Variants in EMB observed in about 807,000 individuals in gnomAD.
EMB encodes the protein embigin homolog.
EMB carries 31 observed loss-of-function variants against 41.4 expected under a neutral mutation model. The ratio of observed to expected loss-of-function variants is 0.75; its 90% confidence interval spans 0.56 to 1.01. The LOEUF is 1.01. EMB is among the 50% of genes least tolerant of loss of function. The probability of loss-of-function intolerance (pLI) is 0.00; values close to 1 mark genes in which losing one functional copy is unlikely to be tolerated. For missense variants in EMB, 379 were observed against 388.3 expected (o/e 0.98, Z 0.20); for synonymous variants, 137 against 140.4 (o/e 0.98, Z 0.17).
intron 6 of EMB, among the ~76,000 whole-genome samples, chr5:50,402,556 T>C (rs556031370): frequency 6.6e-6 from 1 of 152,032 alleles, no homozygotes; most frequent in Admixed American, 6.6e-5. Context: ...ACATGACTGC[T>C]TAGTTTGTCA....
rs967888000 is a variant in EMB at position 50,441,180 on chromosome 5, T to C, written c.-29A>G. On this transcript the variant is annotated 5_prime_UTR_variant, in exon 1 of 9. Coordinates refer to ENST00000303221, the MANE Select transcript of EMB (RefSeq NM_198449.3). ...GCCAGAGGGTCCGCCTGGGTCCTCG[T>C]GGAGACTGCTCCCTCAGCTCGCCGC... is the stretch of plus-strand genomic sequence containing the variant. 1.1e-5 allele frequency: 15 copies of C among 1,341,330 alleles called. No individual in the cohort carries two copies. The Admixed American group carries it at 3.6e-4, about 32-fold the overall frequency. 83.1% of individuals were successfully genotyped at this position (1,341,330 alleles called of 1,614,324 possible). A position where few individuals can be genotyped will look rare whatever the true frequency, so the allele number is the denominator to read the frequency against.
At position 50,441,283 on chromosome 5, in the gene EMB, G is replaced by A. The variant is rs1433323202; in HGVS notation, c.-132C>T. 1 of 475,248 alleles carries A rather than the reference G, an allele frequency of 2.1e-6. No homozygotes were observed. The highest frequency in any genetic ancestry group is 3.4e-6 in the Non-Finnish European group (1 of 293,930). 29.4% of individuals were successfully genotyped at this position (475,248 alleles called of 1,614,324 possible). On this transcript the variant is annotated 5_prime_UTR_variant, in exon 1 of 9. Transcript: ENST00000303221. ...CCAGTGCCGCGGGTAGGACGCTGAA[G>A]AAAAGGCGGAATGGGAGGGGCCCGG...
intron 4 of EMB, among the ~76,000 whole-genome samples, chr5:50,409,439 C>T (rs1745299097): frequency 6.6e-6 from 1 of 151,968 alleles, no homozygotes; most frequent in South Asian, 2.1e-4. Context: ...CTTTAAGTCA[C>T]AAGATTCTGT....
rs1296188581 is a variant in EMB, at chr5:50,428,148, C to A, written c.192G>T (p.Leu64=). ...NFSLESHNIS[L]TEHSSMPVEK... is the part of the protein sequence containing the mutation. ...TTTGAAACATGATACATTTACCAGT[C>A]AGTGATATGTTATGACTCTCCAAGG... Residue 64 remains leucine, a synonymous_variant, in exon 2 of 9, where the codon CTG becomes CTT. Transcript: ENST00000303221. The A allele has an allele frequency of 3.1e-6, 5 of 1,595,822 alleles. No homozygotes were observed. Among genetic ancestry groups the A allele is most frequent in the South Asian group, 1.1e-5 (1 of 88,934 alleles).
chr5:50,411,490 G>A (rs1745337659), intron 2 of EMB, 107 bp from the exon 3 acceptor site: 3 of 729,192 alleles, frequency 4.1e-6, no homozygotes, highest in East Asian at 3.0e-5. Context: ...ATTTCTTAAT[G>A]TAACATTCAT....
chr5:50,405,264 C>T (rs551773818), intron 5 of EMB, among the ~76,000 whole-genome samples: 8 of 151,870 alleles, frequency 5.3e-5, no homozygotes, highest in Admixed American at 4.6e-4. Flanking sequence ...GATTAAGTTA[C>T]AAAGTTTTCA....
intron 1 of EMB, 71 bp from the exon 2 acceptor site, chr5:50,428,298 A>G: frequency 7.4e-7 from 1 of 1,359,344 alleles, no homozygotes; most frequent in Non-Finnish European, 1.0e-6. Flanking sequence ...CTACTTTGAA[A>G]CAGCTAAAAC....
intron 1 of EMB, among the ~76,000 whole-genome samples, chr5:50,432,546 T>C (rs1355205070): frequency 6.6e-6 from 1 of 151,618 alleles, no homozygotes; most frequent in Non-Finnish European, 1.5e-5. Flanking sequence ...AGCCATGATA[T>C]GGTTAAAACT....
chr5:50,403,394 T>C lies in EMB; in HGVS notation c.661A>G (p.Lys221Glu). ...VINGTYANET[K>E]LKITQLLEED... ...TCCAAAAGTTGTGTTATCTTCAGCT[T>C]TGTTTCGTTAGCATATGTTCCATTG... The change falls in exon 6 of 9, where the codon AAG becomes GAG. Residue 221 changes from lysine (K) to glutamate (E), a missense_variant. Lys to Glu is a moderately conservative substitution (Grantham distance 56). Coordinates refer to ENST00000303221, the MANE Select transcript of EMB (RefSeq NM_198449.3). 6.2e-7 allele frequency: 1 copy of C among 1,612,686 alleles called. No individual in the cohort carries two copies. Among genetic ancestry groups the C allele is most frequent in the Non-Finnish European group, 8.5e-7 (1 of 1,179,136 alleles).
At chr5:50,422,584 T>C (rs1745542468) in intron 2 of EMB, among the ~76,000 whole-genome samples, 1 of 152,134 alleles carries the variant, frequency 6.6e-6, no homozygotes, top group East Asian at 1.9e-4. Flanking sequence ...ACCATAAAAT[T>C]AGTTCCTTCT....
intron 7 of EMB, among the ~76,000 whole-genome samples, chr5:50,400,798 T>C: frequency 6.6e-6 from 1 of 152,032 alleles, no homozygotes; most frequent in East Asian, 1.9e-4. Context: ...AAATAATTCA[T>C]CTTTTACACT....
At chr5:50,406,973 A>C (rs755011323) in intron 4 of EMB, among the ~76,000 whole-genome samples, 2 of 151,950 alleles carry the variant, frequency 1.3e-5, no homozygotes, top group Admixed American at 1.3e-4. Context: ...CCATCTGAAG[A>C]GGCACAAGAT....
chr5:50,396,512 A>AC lies in EMB; in HGVS notation c.*2760dup, dbSNP rs896227242. 1 of 152,114 alleles carries AC rather than the reference A, an allele frequency of 6.6e-6. No individual in the cohort carries two copies. The highest frequency in any genetic ancestry group is 2.4e-5 in the African/African-American group (1 of 41,430). 9.4% of individuals were successfully genotyped at this position (152,114 alleles called of 1,614,324 possible). On this transcript the variant is annotated 3_prime_UTR_variant, in exon 9 of 9. Transcript: ENST00000303221. ...TACCAGGTATGGGGGCTTCTCTAAG[A>AC]CACAAGATCAGATTAAAGTCTTGAA...
rs1181177187 is a variant in EMB, at chr5:50,441,052, C to G, written c.100G>C (p.Gly34Arg). The G allele has an allele frequency of 6.6e-6, 10 of 1,509,154 alleles. No homozygotes were observed. The highest frequency in any genetic ancestry group is 4.4e-6 in the Non-Finnish European group (5 of 1,129,228). The allele number at this position is 1,509,154 out of a possible 1,614,324, so 93.5% of individuals were successfully genotyped here. A position where few individuals can be genotyped will look rare whatever the true frequency, so the allele number is the denominator to read the frequency against. ...GTACCCATCACACCTGGGGCACTGCCGTCCGCCGAGCTTGGGCGCGCGGCA... is the reference window on the plus strand; with the variant it reads ...GTACCCATCACACCTGGGGCACTGCGGTCCGCCGAGCTTGGGCGCGCGGCA... ...LAAARPSSAD[G>R]SAPDSPFTSP... The change falls in exon 1 of 9, where the codon GGC (glycine) becomes CGC (arginine). Residue 34 changes from glycine (G) to arginine (R), a missense_variant. Physicochemically the swap from Gly to Arg is moderately radical, Grantham distance 125. Coordinates refer to ENST00000303221, the MANE Select transcript of EMB (RefSeq NM_198449.3).
chr5:50,404,986 T>G (rs894714209), intron 5 of EMB, among the ~76,000 whole-genome samples: 3 of 151,952 alleles, frequency 2.0e-5, no homozygotes, highest in African/African-American at 7.2e-5. Context: ...TAGCTTGCCT[T>G]TAACGGGACT....
upstream of EMB, chr5:50,443,128 T>C (rs575031057): frequency 6.6e-6 from 1 of 152,326 alleles, no homozygotes; most frequent in East Asian, 1.9e-4. Context: ...AAATGCTCCA[T>C]ATCCTTTAAA....
intron 1 of EMB, among the ~76,000 whole-genome samples, chr5:50,432,325 T>G (rs1745732947): frequency 1.3e-5 from 2 of 151,954 alleles, no homozygotes; most frequent in Admixed American, 6.6e-5. Context: ...CTTTCTCATC[T>G]CTATACTGAT....
rs190262929 is a variant in EMB, at chr5:50,416,089, T to C, written c.197-4706A>G. Among the ~76,000 whole-genome samples, 271 of 152,302 alleles carry C rather than the reference T, an allele frequency of 1.8e-3. 1 individual carries two copies. Among genetic ancestry groups the C allele is most frequent in the Non-Finnish European group, 2.3e-3 (157 of 68,034 alleles). On this transcript the variant is annotated intron_variant, in intron 2 of 8. Transcript: ENST00000303221. ...CTGTGCTTCTGCAGTTTGCTTTCCTTCCTGTCAAGAAATCACAGCATCAAA... is the reference window on the plus strand; with the variant it reads ...CTGTGCTTCTGCAGTTTGCTTTCCTCCCTGTCAAGAAATCACAGCATCAAA...
At chr5:50,411,010 C>T in intron 3 of EMB, 45 bp from the exon 4 acceptor site, 1 of 1,410,010 alleles carries the variant, frequency 7.1e-7, no homozygotes, top group Non-Finnish European at 9.6e-7. Context: ...TTCTCAAAAC[C>T]TTAATGAAAA....
Sources: allele counts gnomAD v4.1 joint callset (sites outside exome capture counted in the v4.1 genomes callset), GRCh38; gene constraint gnomAD v4.1.1; transcripts MANE v1.5; gene names NCBI Gene and HGNC (gene_info 2026-07-23, HGNC 2026-07-21).